The following KCNIP4 variants were observed in gnomAD, a reference collection of about 807,000 sequenced individuals.
KCNIP4 encodes the protein Kv channel-interacting protein 4.
Under a neutral mutation model 34.0 loss-of-function variants are expected in KCNIP4, and 12 were observed. That is an observed-to-expected ratio of 0.35 (90% CI 0.23 to 0.57). The LOEUF (loss-of-function observed/expected upper bound fraction) is 0.57. Among genes scored for constraint, KCNIP4 ranks in the 20% least tolerant of loss-of-function variants. The pLI is 0.83. For synonymous variants in KCNIP4, 124 were observed against 102.2 expected (o/e 1.21, Z -1.29); for missense variants, 238 against 311.7 (o/e 0.76, Z 1.78).
At chr4:21,256,222 C>G (rs796572223) in intron 1 of KCNIP4, among the ~76,000 whole-genome samples, 11 of 152,178 alleles carry the variant, frequency 7.2e-5, no homozygotes, top group African/African-American at 2.6e-4. Flanking sequence ...ACTGCAAGTA[C>G]AAATTTCCTG....
chr4:21,854,537 G>A (rs1022442404), intron 1 of KCNIP4, among the ~76,000 whole-genome samples: 12 of 152,196 alleles, frequency 7.9e-5, no homozygotes, highest in East Asian at 3.9e-4. Context: ...TACAGGTGAA[G>A]AATGACAAAG....
intron 1 of KCNIP4, among the ~76,000 whole-genome samples, chr4:21,171,234 A>C (rs1387933106): frequency 1.3e-5 from 2 of 152,250 alleles, no homozygotes. Flanking sequence ...ATAAAGGAGA[A>C]AATGACTACT....
intron 1 of KCNIP4, among the ~76,000 whole-genome samples, chr4:21,303,028 CA>C (rs910689068): frequency 2.2e-4 from 34 of 152,324 alleles, no homozygotes; most frequent in African/African-American, 8.2e-4. Context: ...AACACACTCT[CA>C]AAATGTGTTC....
chr4:21,190,771 T>C (rs895730875), intron 1 of KCNIP4, among the ~76,000 whole-genome samples: 1 of 152,222 alleles, frequency 6.6e-6, no homozygotes, highest in Non-Finnish European at 1.5e-5. Flanking sequence ...CCATAAAATC[T>C]ATTTACATAT....
intron 1 of KCNIP4, among the ~76,000 whole-genome samples, chr4:21,180,594 G>A (rs533269345): frequency 5.9e-5 from 9 of 151,422 alleles, no homozygotes; most frequent in Non-Finnish European, 1.3e-4. Context: ...CATTATCTGG[G>A]TTAAACAAAG....
At chr4:21,664,228 C>T (rs534140124) in intron 1 of KCNIP4, among the ~76,000 whole-genome samples, 12 of 152,214 alleles carry the variant, frequency 7.9e-5, no homozygotes, top group Admixed American at 5.2e-4. Flanking sequence ...GCATTACAGG[C>T]GTGAGCCACC....
At chr4:21,662,256 A>G (rs762791679) in intron 1 of KCNIP4, among the ~76,000 whole-genome samples, 1 of 152,202 alleles carries the variant, frequency 6.6e-6, no homozygotes, top group East Asian at 1.9e-4. Context: ...ATTTTTCTTA[A>G]AGCCTTTTCC....
chr4:21,651,456 C>T (rs1011727791), intron 1 of KCNIP4, among the ~76,000 whole-genome samples: 1 of 152,166 alleles, frequency 6.6e-6, no homozygotes, highest in African/African-American at 2.4e-5. Context: ...CTCCATCTCA[C>T]AACTGTTTAG....
At chr4:21,824,704 C>CTGTG (rs1045456933) in intron 1 of KCNIP4, among the ~76,000 whole-genome samples, 3 of 152,132 alleles carry the variant, frequency 2.0e-5, no homozygotes, top group African/African-American at 7.2e-5. Context: ...TCAGCCAGCT[C>CTGTG]TGTGTGAATT....
At chr4:21,790,860 TATC>T (rs1016534069) in intron 1 of KCNIP4, among the ~76,000 whole-genome samples, 4 of 150,470 alleles carry the variant, frequency 2.7e-5, no homozygotes, top group African/African-American at 9.8e-5. Flanking sequence ...GCTGAAAAGG[TATC>T]ATTCTGTAGC....
At chr4:21,604,592 T>C (rs991570925) in intron 1 of KCNIP4, among the ~76,000 whole-genome samples, 2 of 152,236 alleles carry the variant, frequency 1.3e-5, no homozygotes, top group Non-Finnish European at 2.9e-5. Context: ...TTGGAAATTT[T>C]TGTCTAAGAG....
intron 4 of KCNIP4, among the ~76,000 whole-genome samples, chr4:20,753,628 A>G (rs1754017213): frequency 6.6e-6 from 1 of 152,148 alleles, no homozygotes; most frequent in Non-Finnish European, 1.5e-5. Context: ...GAATAGAATC[A>G]CCTTCATGTA....
At chr4:21,380,035 T>C (rs1373460740) in intron 1 of KCNIP4, among the ~76,000 whole-genome samples, 1 of 152,150 alleles carries the variant, frequency 6.6e-6, no homozygotes, top group Non-Finnish European at 1.5e-5. Flanking sequence ...CCCCTTTTCA[T>C]ATCACCATAG....
chr4:21,503,425 T>G (rs115643715), intron 1 of KCNIP4, among the ~76,000 whole-genome samples: 1 of 152,146 alleles, frequency 6.6e-6, no homozygotes, highest in Non-Finnish European at 1.5e-5. Flanking sequence ...ACCTCAATCA[T>G]CCTAATAAGT....
At chr4:20,873,695 A>G (rs1723716806) in intron 2 of KCNIP4, among the ~76,000 whole-genome samples, 1 of 152,196 alleles carries the variant, frequency 6.6e-6, no homozygotes, top group Non-Finnish European at 1.5e-5. Context: ...TTGGCTGACC[A>G]GCCATCCCCA....
intron 1 of KCNIP4, among the ~76,000 whole-genome samples, chr4:21,765,822 A>G (rs1478162348): frequency 1.1e-5 from 1 of 93,150 alleles, no homozygotes; most frequent in Non-Finnish European, 1.9e-5. Flanking sequence ...AGGCCGTGAA[A>G]AAAAAAAAAA....
At chr4:21,298,182 G>A (rs924014577) in intron 1 of KCNIP4, among the ~76,000 whole-genome samples, 1 of 152,034 alleles carries the variant, frequency 6.6e-6, no homozygotes, top group African/African-American at 2.4e-5. Context: ...TCTCAACTAA[G>A]GTAAGCTTTC....
At position 21,493,814 on chromosome 4, in the gene KCNIP4, C is replaced by T. The variant is rs573534503; in HGVS notation, c.61+454757G>A. Among the ~76,000 whole-genome samples the T allele has an allele frequency of 2.0e-5, 3 of 152,300 alleles. No homozygotes were observed. The East Asian group carries it at 5.8e-4, about 29-fold the overall frequency. On this transcript the variant is annotated intron_variant, in intron 1 of 8. Coordinates refer to ENST00000382152, the MANE Select transcript of KCNIP4 (RefSeq NM_025221.6). ...AATTCCATTCCACAAAGACATTTGGCTTCTCTTTAATAGGGTGAATGGGAG... is the reference window on the plus strand; with the variant it reads ...AATTCCATTCCACAAAGACATTTGGTTTCTCTTTAATAGGGTGAATGGGAG...
At chr4:21,884,956 C>G (rs943650793) in intron 1 of KCNIP4, among the ~76,000 whole-genome samples, 6 of 151,858 alleles carry the variant, frequency 4.0e-5, no homozygotes, top group African/African-American at 1.5e-4. Flanking sequence ...TAGCCTCCCC[C>G]CCACTACTGT....
Sources: gnomAD v4.1 joint callset for allele counts (sites outside exome capture counted in the v4.1 genomes callset) on GRCh38, gnomAD v4.1.1 for gene constraint, MANE v1.5 for transcripts, NCBI Gene and HGNC (gene_info 2026-07-23, HGNC 2026-07-21) for gene names.